The following NEGR1 variants were observed in gnomAD, a reference collection of about 807,000 sequenced individuals.
NEGR1 encodes IgLON family member 4.
In NEGR1, 10 loss-of-function variants were observed where a neutral mutation model predicts 40.9. The ratio of observed to expected loss-of-function variants is 0.24; its 90% CI spans 0.15 to 0.42. NEGR1 has a LOEUF of 0.42. NEGR1 is among the 10% of genes least tolerant of loss of function. The pLI is 1.00. For synonymous variants in NEGR1, 185 were observed against 166.8 expected, an observed-to-expected ratio of 1.11 and a Z score of -0.84; for missense variants, 352 against 438.9, an observed-to-expected ratio of 0.80 and a Z score of 1.77.
chr1:72,252,775 C>G (rs1655146889), intron 1 of NEGR1, among the ~76,000 whole-genome samples: 3 of 152,102 alleles, frequency 2.0e-5, no homozygotes, highest in Non-Finnish European at 4.4e-5. Context: ...GGTACAGACT[C>G]TCTGAAAGCA....
chr1:71,656,486 T>C lies in NEGR1; in HGVS notation c.667+41522A>G, dbSNP rs370933124. Among the ~76,000 whole-genome samples, 150 of 152,176 alleles carry C rather than the reference T, an allele frequency of 9.9e-4. 2 individuals are homozygous for C. The highest frequency in any genetic ancestry group is 1.8e-3 in the Admixed American group (27 of 15,282). ...GGAGTGCAGTGGCGGGATCTCGGCT[T>C]ACTGCAAACTCCACCTCCCGGGTTC... On this transcript the variant is annotated intron_variant, in intron 4 of 6. Coordinates refer to ENST00000357731, the MANE Select transcript of NEGR1 (RefSeq NM_173808.3).
chr1:72,061,661 G>C (rs889725925), intron 1 of NEGR1, among the ~76,000 whole-genome samples: 1 of 151,688 alleles, frequency 6.6e-6, no homozygotes. Context: ...AAGGAAGGGG[G>C]AATAGCTTTT....
intron 2 of NEGR1, among the ~76,000 whole-genome samples, chr1:71,870,879 C>T (rs1228255530): frequency 6.6e-6 from 1 of 152,180 alleles, no homozygotes; most frequent in Non-Finnish European, 1.5e-5. Flanking sequence ...CCAACATACA[C>T]CCAAAATGCA....
At chr1:71,527,247 T>A (rs954696828) in intron 6 of NEGR1, among the ~76,000 whole-genome samples, 2 of 151,576 alleles carry the variant, frequency 1.3e-5, no homozygotes, top group Non-Finnish European at 3.0e-5. Flanking sequence ...CACATTCAGA[T>A]GCTCAATAAT....
Position 71,931,455 on chromosome 1 carries a change from T to C in NEGR1, c.409+3624A>G, listed in dbSNP as rs146047429. 4.6e-3 allele frequency among the ~76,000 whole-genome samples: 685 copies of C among 149,778 alleles called. 7 individuals carry two copies. The highest frequency in any genetic ancestry group is 0.016 in the African/African-American group (656 of 40,640). On this transcript the variant is annotated intron_variant, in intron 2 of 6. Coordinates refer to ENST00000357731, the MANE Select transcript of NEGR1 (RefSeq NM_173808.3). Reference sequence around the variant, plus strand: ...GTAATTTATAATGAACAGAAACTTATTTGGCTCATATTTTTGGGGGCTGAG... The same window carrying C: ...GTAATTTATAATGAACAGAAACTTACTTGGCTCATATTTTTGGGGGCTGAG...
At chr1:71,589,662 A>G (rs1033194804) in intron 6 of NEGR1, among the ~76,000 whole-genome samples, 1 of 152,114 alleles carries the variant, frequency 6.6e-6, no homozygotes, top group Non-Finnish European at 1.5e-5. Context: ...TTTTCTTGCC[A>G]GATTTGGTCA....
intron 1 of NEGR1, among the ~76,000 whole-genome samples, chr1:72,101,360 A>T (rs796840467): frequency 6.6e-6 from 1 of 152,294 alleles, no homozygotes; most frequent in African/African-American, 2.4e-5. Context: ...CTCAACAGAG[A>T]CCATAATATA....
chr1:71,404,375 A>G lies in NEGR1; in HGVS notation c.*3071T>C, dbSNP rs1339556762. 6.6e-6 allele frequency: 1 copy of G among 152,112 alleles called. No homozygotes were observed. Among genetic ancestry groups the G allele is most frequent in the Non-Finnish European group, 1.5e-5 (1 of 67,720 alleles). The allele number at this position is 152,112 out of a possible 1,614,324, so 9.4% of individuals were successfully genotyped here. ...TAACTTGGGCAGTACTTTTTATTAT[A>G]TAATTGCTGCATAATAGGAACTTAA... On this transcript the variant is annotated 3_prime_UTR_variant, in exon 7 of 7. Transcript: ENST00000357731.
At chr1:71,564,520 C>A (rs1648557520) in intron 6 of NEGR1, among the ~76,000 whole-genome samples, 1 of 152,018 alleles carries the variant, frequency 6.6e-6, no homozygotes, top group Non-Finnish European at 1.5e-5. Flanking sequence ...AAAGTCAAAA[C>A]CCAGTACTTC....
At chr1:71,823,065 G>C (rs1468774228) in intron 2 of NEGR1, among the ~76,000 whole-genome samples, 1 of 151,894 alleles carries the variant, frequency 6.6e-6, no homozygotes, top group South Asian at 2.1e-4. Flanking sequence ...GGAATCAAGG[G>C]GTGGCATTCC....
In NEGR1 at chr1:72,096,274, A is replaced by C. The variant is rs141616414; in HGVS notation, c.177-160963T>G. Among the ~76,000 whole-genome samples, 735 of 152,318 alleles carry C rather than the reference A, an allele frequency of 4.8e-3. 7 individuals carry two copies. Among genetic ancestry groups the C allele is most frequent in the African/African-American group, 0.017 (691 of 41,584 alleles). On this transcript the variant is annotated intron_variant, in intron 1 of 6. Coordinates refer to ENST00000357731, the MANE Select transcript of NEGR1 (RefSeq NM_173808.3). ...CAATTCTTTGGTTTATGAAGCCCTT[A>C]GAATTTGCATAAACCAAAATTTGCG...
chr1:72,224,629 G>T (rs548260292), intron 1 of NEGR1, among the ~76,000 whole-genome samples: 13 of 152,076 alleles, frequency 8.5e-5, no homozygotes, highest in African/African-American at 2.9e-4. Context: ...CTTACCCAAG[G>T]TTACTCAGGT....
At chr1:71,569,980 C>G (rs1401931310) in intron 6 of NEGR1, among the ~76,000 whole-genome samples, 6 of 90,784 alleles carry the variant, frequency 6.6e-5, no homozygotes, top group African/African-American at 2.1e-4. Flanking sequence ...AAACAAGGTT[C>G]TAGCTTCATT....
chr1:71,588,933 C>A (rs1191633980), intron 6 of NEGR1, among the ~76,000 whole-genome samples: 6 of 152,216 alleles, frequency 3.9e-5, no homozygotes, highest in Non-Finnish European at 7.4e-5. Flanking sequence ...CCTAATCAGA[C>A]CAGCAGCTAG....
intron 6 of NEGR1, among the ~76,000 whole-genome samples, chr1:71,453,487 TATAA>T (rs1244065245): frequency 1.3e-5 from 2 of 152,140 alleles, no homozygotes; most frequent in Non-Finnish European, 2.9e-5. Context: ...ATGCCCAAGA[TATAA>T]ATAATCTTGC....
chr1:71,547,328 G>C (rs527682740), intron 6 of NEGR1, among the ~76,000 whole-genome samples: 1 of 151,832 alleles, frequency 6.6e-6, no homozygotes, highest in South Asian at 2.1e-4. Context: ...CAATAGACTG[G>C]GAAGTATTTG....
rs143653871 is a variant in NEGR1 at position 71,868,260 on chromosome 1, C to T, written c.409+66819G>A. Among the ~76,000 whole-genome samples the T allele has an allele frequency of 3.6e-3, 546 of 152,106 alleles. 1 individual carries two copies. Among genetic ancestry groups the T allele is most frequent in the African/African-American group, 0.012 (517 of 41,510 alleles). ...TGAAAGTAACTACAATACATGGAAA[C>T]AAATGAATTACATTTAAAAATCCCA... is the stretch of plus-strand genomic sequence containing the variant. On this transcript the variant is annotated intron_variant, in intron 2 of 6. Coordinates refer to ENST00000357731, the MANE Select transcript of NEGR1 (RefSeq NM_173808.3).
chr1:71,522,730 T>TAC (rs3980477), intron 6 of NEGR1, among the ~76,000 whole-genome samples: 61,472 of 143,900 alleles, frequency 0.43, 13,173 homozygotes, highest in East Asian at 0.62. Flanking sequence ...ACCCCCCCCT[T>TAC]ACACACACAC....
chr1:71,552,270 A>G (rs1278684915), intron 6 of NEGR1, among the ~76,000 whole-genome samples: 1 of 150,942 alleles, frequency 6.6e-6, no homozygotes, highest in Non-Finnish European at 1.5e-5. Context: ...GTTTTCCTTT[A>G]GTAATTTTTC....
Sources: gnomAD v4.1 joint callset for allele counts (sites outside exome capture counted in the v4.1 genomes callset) on GRCh38, gnomAD v4.1.1 for gene constraint, MANE v1.5 for transcripts, NCBI Gene and HGNC (gene_info 2026-07-23, HGNC 2026-07-21) for gene names.